Variants in MAP4 observed in about 807,000 individuals in gnomAD.
MAP4 encodes microtubule-associated protein 4.
In MAP4, 76 loss-of-function variants were observed where a neutral mutation model predicts 170.2. The observed-to-expected ratio is 0.45, with a 90% CI of 0.37 to 0.54. The LOEUF (loss-of-function observed/expected upper bound fraction) is 0.54. Ranked by LOEUF, MAP4 falls within the 20% of genes least tolerant of loss-of-function variation. The pLI is 0.00. For synonymous variants in MAP4, 909 were observed against 994.5 expected (o/e 0.91, Z 1.62); for missense variants, 2,506 against 2,748.0 (o/e 0.91, Z 1.97).
At chr3:47,954,267 AG>A (rs1428054111) in intron 3 of MAP4, among the ~76,000 whole-genome samples, 2 of 152,170 alleles carry the variant, frequency 1.3e-5, no homozygotes, top group East Asian at 3.8e-4. Flanking sequence ...CCTGATTTAA[AG>A]GGGTAACGGG....
At chr3:47,950,496 G>T (rs2100062996) in intron 3 of MAP4, among the ~76,000 whole-genome samples, 1 of 152,092 alleles carries the variant, frequency 6.6e-6, no homozygotes, top group Non-Finnish European at 1.5e-5. Flanking sequence ...CAGAACATGT[G>T]TAGGAGTAGA....
At chr3:48,057,155 T>C (rs1348689902) in intron 1 of MAP4, among the ~76,000 whole-genome samples, 1 of 151,412 alleles carries the variant, frequency 6.6e-6, no homozygotes, top group African/African-American at 2.4e-5. Flanking sequence ...ATGGCGGCTT[T>C]GTGGAATAGA....
intron 1 of MAP4, among the ~76,000 whole-genome samples, chr3:48,045,258 CAAAAA>C (rs34377968): frequency 9.8e-6 from 1 of 102,170 alleles, no homozygotes; most frequent in East Asian, 2.7e-4. Flanking sequence ...GACTCAGTCT[CAAAAA>C]AAAAAAAAAA....
chr3:47,876,555 A>T (rs1340848293), intron 11 of MAP4, among the ~76,000 whole-genome samples: 3 of 146,932 alleles, frequency 2.0e-5, no homozygotes, highest in African/African-American at 8.3e-5. Flanking sequence ...AAAGAAAAGC[A>T]TCAGGAGGTG....
intron 1 of MAP4, among the ~76,000 whole-genome samples, chr3:48,005,116 C>T (rs1003778708): frequency 2.6e-4 from 40 of 152,282 alleles, no homozygotes; most frequent in Non-Finnish European, 4.9e-4. Context: ...AATCCCAATA[C>T]TTTGTGAGGC....
At chr3:48,062,624 AAG>A (rs1375549648) in intron 1 of MAP4, among the ~76,000 whole-genome samples, 2 of 151,402 alleles carry the variant, frequency 1.3e-5, no homozygotes, top group Non-Finnish European at 2.9e-5. Context: ...AATTAAAAAA[AAG>A]AAAATGAACA....
At chr3:47,867,602 C>T (rs1488574772) in intron 16 of MAP4, among the ~76,000 whole-genome samples, 1 of 152,232 alleles carries the variant, frequency 6.6e-6, no homozygotes, top group Non-Finnish European at 1.5e-5. Context: ...ATCACCGCTC[C>T]TTTGGGGGCG....
At chr3:47,975,023 A>G (rs1406966810) in intron 3 of MAP4, 8 of 994,484 alleles carry the variant, frequency 8.0e-6, no homozygotes, top group East Asian at 1.1e-4. Flanking sequence ...ATGAAAACAC[A>G]TGTTCTCATT....
chr3:47,856,722 C>T (rs1374982640), intron 18 of MAP4, among the ~76,000 whole-genome samples: 2 of 152,226 alleles, frequency 1.3e-5, no homozygotes, highest in Non-Finnish European at 2.9e-5. Flanking sequence ...ACACCGCGCC[C>T]GCCCTGAGGG....
chr3:48,016,661 A>C (rs1377983510), upstream of MAP4, among the ~76,000 whole-genome samples: 1 of 152,250 alleles, frequency 6.6e-6, no homozygotes, highest in Non-Finnish European at 1.5e-5. Flanking sequence ...AAAATTTTGA[A>C]AAAGGAGCAT....
In MAP4 at chr3:47,870,847, G is replaced by C. The variant is rs776010747; in HGVS notation, c.6260C>G (p.Thr2087Arg). Residue 2087 changes from threonine (T) to arginine (R), a missense_variant, in exon 15 of 21, where the codon ACG becomes AGG. This residue lies in a region of MAP4 where 487 missense variants were observed against 511.6 expected (regional missense o/e 0.95). Coordinates refer to ENST00000683076, the MANE Select transcript of MAP4 (RefSeq NM_001385682.1). The part of the protein sequence containing the change: ...LKNVRSKVGS[T>R]ENIKHQPGGG... ...TCCAGGCTGATGCTTGATGTTTTCC[G>C]TGGAGCCAACCTTGGAGCGGACATT... The C allele has an allele frequency of 6.3e-7, 1 of 1,590,264 alleles. No individual in the cohort carries two copies. Among genetic ancestry groups the C allele is most frequent in the African/African-American group, 1.3e-5 (1 of 74,538 alleles).
At chr3:47,952,867 T>G (rs1466102449) in intron 3 of MAP4, among the ~76,000 whole-genome samples, 2 of 151,608 alleles carry the variant, frequency 1.3e-5, no homozygotes, top group Non-Finnish European at 2.9e-5. Flanking sequence ...GAGGTTGTAG[T>G]GAGCCGAGAT....
At position 47,912,472 on chromosome 3, in the gene MAP4, A is replaced by C. The variant is rs73087131; in HGVS notation, c.2000-51T>G. 6.2e-4 allele frequency: 877 copies of C among 1,419,232 alleles called. 1 individual carries two copies. Among genetic ancestry groups the C allele is most frequent in the Non-Finnish European group, 7.7e-4 (834 of 1,083,952 alleles). The allele number at this position is 1,419,232 out of a possible 1,614,324, so 87.9% of individuals were successfully genotyped here. On this transcript the variant is annotated intron_variant, in intron 8 of 20. Coordinates refer to ENST00000683076, the MANE Select transcript of MAP4 (RefSeq NM_001385682.1). ...CGTTATTGTTTCTTAAAAACAACAA[A>C]AAACAAACAAACAAACAAAAAAACC...
In MAP4 at chr3:47,963,897, T is replaced by C. The variant is rs913155322; in HGVS notation, c.292+13968A>G. Among the ~76,000 whole-genome samples the C allele has an allele frequency of 3.8e-4, 58 of 152,206 alleles. 1 individual carries two copies. Among genetic ancestry groups the C allele is most frequent in the Admixed American group, 3.6e-3 (55 of 15,276 alleles). Reference sequence around the variant, plus strand: ...AGAAGGGGTGCAATTTTTAAAAAGATAGTCGAGAAGTACTCATTGAGAAAG... The same window carrying C: ...AGAAGGGGTGCAATTTTTAAAAAGACAGTCGAGAAGTACTCATTGAGAAAG... On this transcript the variant is annotated intron_variant, in intron 3 of 20. Coordinates refer to ENST00000683076, the MANE Select transcript of MAP4 (RefSeq NM_001385682.1).
chr3:47,898,700 A>G (rs1346674996), intron 10 of MAP4, among the ~76,000 whole-genome samples: 3 of 152,200 alleles, frequency 2.0e-5, no homozygotes, highest in African/African-American at 7.2e-5. Context: ...TAACACCAGC[A>G]CTTTAGAAGG....
At chr3:48,070,535 T>A (rs979285755) in intron 1 of MAP4, among the ~76,000 whole-genome samples, 4 of 151,920 alleles carry the variant, frequency 2.6e-5, no homozygotes, top group African/African-American at 9.7e-5. Context: ...CTGCTTAGGC[T>A]GGTCTTGAAC....
Position 48,022,898 on chromosome 3 carries a change from A to G in MAP4, c.-19-24019T>C, listed in dbSNP as rs202101727. ...AGAGTGACACTCCATCTCAGGGGGG[A>G]AAAAAAAAAATTTATTTTCCAGGCA... On this transcript the variant is annotated intron_variant, in intron 1 of 18. Transcript: ENST00000360240. Among the ~76,000 whole-genome samples, 23 of 13,620 alleles carry G rather than the reference A, an allele frequency of 1.7e-3. No individual in the cohort carries two copies. In the East Asian group the frequency reaches 0.028, roughly 16 times the overall value. The allele number at this position is 13,620 out of a possible 152,430, so 8.9% of individuals were successfully genotyped here.
chr3:47,868,360 T>G (rs1335944398), intron 16 of MAP4, among the ~76,000 whole-genome samples: 2 of 152,186 alleles, frequency 1.3e-5, no homozygotes, highest in African/African-American at 4.8e-5. Context: ...TTTCTAGCCT[T>G]TTTCACAACT....
intron 2 of MAP4, among the ~76,000 whole-genome samples, chr3:47,995,282 G>A (rs1439859863): frequency 3.2e-5 from 4 of 126,716 alleles, no homozygotes; most frequent in Non-Finnish European, 3.1e-5. Context: ...ACAGAGTCTC[G>A]TTCTCTCGCC....
Sources: allele counts gnomAD v4.1 joint callset (sites outside exome capture counted in the v4.1 genomes callset), GRCh38; gene constraint gnomAD v4.1.1; regional missense constraint gnomAD v4.1.1; transcripts MANE v1.5; gene names NCBI Gene and HGNC (gene_info 2026-07-23, HGNC 2026-07-21).